The following RIMS1 variants were observed in gnomAD, a reference collection of about 807,000 sequenced individuals.
The protein encoded by RIMS1 is regulating synaptic membrane exocytosis 1, also known as regulating synaptic membrane exocytosis protein 1.
A neutral mutation model predicts 214.1 loss-of-function variants in RIMS1; 83 were observed. The ratio of observed to expected loss-of-function variants is 0.39; its 90% CI spans 0.32 to 0.47. The LOEUF is 0.47. Ranked by LOEUF, RIMS1 falls within the 20% of genes least tolerant of loss-of-function variation. The probability of loss-of-function intolerance (pLI) is 0.99; values close to 1 mark genes in which losing one functional copy is unlikely to be tolerated. For synonymous variants in RIMS1, 793 were observed against 786.8 expected (o/e 1.01, Z -0.13); for missense variants, 2,050 against 2,161.8 (o/e 0.95, Z 1.03).
intron 2 of RIMS1, among the ~76,000 whole-genome samples, chr6:72,044,042 A>G (rs1822247636): frequency 6.6e-6 from 1 of 151,608 alleles, no homozygotes; most frequent in African/African-American, 2.4e-5. Flanking sequence ...AGGATTTATT[A>G]AAAACTGGTG....
chr6:72,327,405 C>G (rs887180250), intron 28 of RIMS1, among the ~76,000 whole-genome samples: 1 of 151,716 alleles, frequency 6.6e-6, no homozygotes, highest in Non-Finnish European at 1.5e-5. Flanking sequence ...TTTTGTTTCT[C>G]TATTCATCAG....
chr6:72,334,863 A>T (rs184458107), intron 29 of RIMS1, among the ~76,000 whole-genome samples: 115 of 152,082 alleles, frequency 7.6e-4, no homozygotes, highest in African/African-American at 2.7e-3. Flanking sequence ...TGAACTTAGA[A>T]TAGCTAGCAT....
At chr6:72,259,751 T>C (rs1418812894) in intron 18 of RIMS1, among the ~76,000 whole-genome samples, 2 of 152,194 alleles carry the variant, frequency 1.3e-5, no homozygotes, top group East Asian at 3.8e-4. Context: ...CCACAGACTT[T>C]CTTCTTGAAG....
intron 24 of RIMS1, among the ~76,000 whole-genome samples, chr6:72,290,143 A>G (rs2093126095): frequency 6.6e-6 from 1 of 152,168 alleles, no homozygotes; most frequent in Non-Finnish European, 1.5e-5. Flanking sequence ...GTCTACTTAG[A>G]TTAACCTCAA....
intron 1 of RIMS1, among the ~76,000 whole-genome samples, chr6:71,905,321 G>A (rs902075178): frequency 1.1e-4 from 17 of 152,230 alleles, no homozygotes; most frequent in African/African-American, 4.1e-4. Context: ...AACCTAGCAT[G>A]ATACAACTTT....
chr6:72,186,890 GGAGGCC>G (rs1406415781), intron 6 of RIMS1, among the ~76,000 whole-genome samples: 2 of 152,060 alleles, frequency 1.3e-5, no homozygotes, highest in Non-Finnish European at 2.9e-5. Context: ...CAGCACTTTG[GGAGGCC>G]GAGGTGGGGG....
chr6:72,054,046 GC>G (rs1825441555), intron 2 of RIMS1, among the ~76,000 whole-genome samples: 1 of 152,000 alleles, frequency 6.6e-6, no homozygotes, highest in Non-Finnish European at 1.5e-5. Flanking sequence ...GCATGCATTA[GC>G]TATTTGTCCT....
chr6:72,385,319 AAC>A (rs1270139548), intron 29 of RIMS1, among the ~76,000 whole-genome samples: 2 of 152,244 alleles, frequency 1.3e-5, no homozygotes, highest in Non-Finnish European at 2.9e-5. Context: ...ACATAGATGT[AAC>A]ACATATTTGT....
At chr6:72,318,147 T>C (rs1241796697) in intron 28 of RIMS1, among the ~76,000 whole-genome samples, 1 of 152,194 alleles carries the variant, frequency 6.6e-6, no homozygotes, top group Admixed American at 6.5e-5. Context: ...TAGCTAGGTT[T>C]AATTTTTTTC....
Position 71,954,875 on chromosome 6 carries a change from A to T in RIMS1, c.165-14108A>T, listed in dbSNP as rs1258146061. Among the ~76,000 whole-genome samples, 7 of 151,018 alleles carry T rather than the reference A, an allele frequency of 4.6e-5. No individual in the cohort carries two copies. In the East Asian group the frequency reaches 1.4e-3, roughly 29 times the overall value. ...ACACACACACACACACACACTCCACACACACACACACACACACACCTAGAG... is the reference window on the plus strand; with the variant it reads ...ACACACACACACACACACACTCCACTCACACACACACACACACACCTAGAG... On this transcript the variant is annotated intron_variant, in intron 1 of 33. Transcript: ENST00000521978.
intron 29 of RIMS1, chr6:72,365,777 A>G (rs990749625): frequency 2.0e-5 from 3 of 152,258 alleles, no homozygotes; most frequent in Non-Finnish European, 4.4e-5. Context: ...TAGTGCCATT[A>G]TGGAGGTGAG....
At chr6:72,293,794 A>G (rs1241945855) in intron 26 of RIMS1, among the ~76,000 whole-genome samples, 1 of 151,814 alleles carries the variant, frequency 6.6e-6, no homozygotes. Context: ...GTTAATATAA[A>G]TGTTACTGTT....
At chr6:72,029,307 TAA>T (rs1292278850) in intron 2 of RIMS1, among the ~76,000 whole-genome samples, 2 of 152,198 alleles carry the variant, frequency 1.3e-5, no homozygotes, top group African/African-American at 4.8e-5. Context: ...ATTTTCATGT[TAA>T]GTTATAAATA....
intron 28 of RIMS1, among the ~76,000 whole-genome samples, chr6:72,318,489 C>A (rs903818139): frequency 5.9e-5 from 9 of 152,124 alleles, no homozygotes; most frequent in African/African-American, 2.2e-4. Flanking sequence ...ACTATCCCTC[C>A]CCCATTTGCA....
At chr6:72,243,063 TC>T (rs1286543161) in intron 10 of RIMS1, among the ~76,000 whole-genome samples, 1 of 151,776 alleles carries the variant, frequency 6.6e-6, no homozygotes, top group Admixed American at 6.6e-5. Context: ...GTTGCCTTTT[TC>T]TGGCAAACCC....
chr6:72,135,547 C>T (rs1035425501), intron 4 of RIMS1, among the ~76,000 whole-genome samples: 3 of 152,026 alleles, frequency 2.0e-5, no homozygotes, highest in Admixed American at 6.6e-5. Context: ...GAATGGGCAT[C>T]GGTGTCTGAG....
At chr6:72,192,056 G>T (rs2153982256) in intron 6 of RIMS1, among the ~76,000 whole-genome samples, 1 of 152,320 alleles carries the variant, frequency 6.6e-6, no homozygotes, top group African/African-American at 2.4e-5. Flanking sequence ...GCCAACGTGG[G>T]GGTTCTGCCA....
At chr6:72,342,658 G>T (rs534024090) in intron 29 of RIMS1, among the ~76,000 whole-genome samples, 4 of 145,958 alleles carry the variant, frequency 2.7e-5, no homozygotes, top group Admixed American at 6.9e-5. Flanking sequence ...TGTGTGTGTG[G>T]GCATGCATGT....
chr6:71,975,894 T>G (rs530302154), intron 2 of RIMS1, among the ~76,000 whole-genome samples: 1 of 152,272 alleles, frequency 6.6e-6, no homozygotes, highest in East Asian at 1.9e-4. Flanking sequence ...GTATCTGTAC[T>G]TTATCCCTTT....
Sources: gnomAD v4.1 joint callset for allele counts (sites outside exome capture counted in the v4.1 genomes callset) on GRCh38, gnomAD v4.1.1 for gene constraint, MANE v1.5 for transcripts, NCBI Gene and HGNC (gene_info 2026-07-23, HGNC 2026-07-21) for gene names.